Variants in ANO10 observed in about 807,000 individuals in gnomAD.
The protein encoded by ANO10 is anoctamin-10.
In ANO10, 77 loss-of-function variants were observed where a neutral mutation model predicts 74.7. The observed-to-expected ratio is 1.03, with a 90% CI of 0.86 to 1.25. ANO10 has a LOEUF of 1.25. Among genes scored for constraint, ANO10 ranks in the 50% most tolerant of loss-of-function variants. The pLI is 0.00. For synonymous variants in ANO10, 279 were observed against 284.9 expected, an observed-to-expected ratio of 0.98 and a Z score of 0.21; for missense variants, 721 against 778.1, an observed-to-expected ratio of 0.93 and a Z score of 0.87.
chr3:43,626,295 CTTTTTTT>C (rs776440890), upstream of ANO10, among the ~76,000 whole-genome samples: 18 of 135,656 alleles, frequency 1.3e-4, no homozygotes, highest in African/African-American at 4.7e-4. Flanking sequence ...ATGTTCTTCA[CTTTTTTT>C]TTTTTTTTTT....
chr3:43,654,164 G>A (rs2083820501), intron 1 of ANO10, among the ~76,000 whole-genome samples: 1 of 152,152 alleles, frequency 6.6e-6, no homozygotes, highest in Admixed American at 6.5e-5. Context: ...GAGCTGGATT[G>A]AGAGGGACAT....
At chr3:43,565,164 TATTA>T (rs1225805165) in intron 8 of ANO10, among the ~76,000 whole-genome samples, 1 of 152,248 alleles carries the variant, frequency 6.6e-6, no homozygotes, top group East Asian at 1.9e-4. Flanking sequence ...GTTCTTAATT[TATTA>T]TTCATTGGTA....
intron 12 of ANO10, among the ~76,000 whole-genome samples, chr3:43,367,900 T>A (rs1368814792): frequency 6.6e-6 from 1 of 152,178 alleles, no homozygotes. Flanking sequence ...GTACCCCCAG[T>A]ACCTGGCTAC....
chr3:43,379,999 T>C (rs1433640065), intron 12 of ANO10, among the ~76,000 whole-genome samples: 1 of 152,014 alleles, frequency 6.6e-6, no homozygotes, highest in East Asian at 1.9e-4. Flanking sequence ...TAAAAAACCA[T>C]CACAACTTCT....
At chr3:43,379,761 A>G (rs2091907773) in intron 12 of ANO10, among the ~76,000 whole-genome samples, 1 of 152,146 alleles carries the variant, frequency 6.6e-6, no homozygotes, top group Admixed American at 6.5e-5. Flanking sequence ...CCTGTGTGAT[A>G]CAGCAGAGGC....
At chr3:43,475,258 G>A (rs1009569041) in intron 11 of ANO10, among the ~76,000 whole-genome samples, 5 of 152,078 alleles carry the variant, frequency 3.3e-5, no homozygotes, top group Non-Finnish European at 7.4e-5. Flanking sequence ...CTCCTTCTCG[G>A]TCTTGAACCT....
At chr3:43,520,068 C>CAT (rs2077882265) in intron 11 of ANO10, among the ~76,000 whole-genome samples, 4 of 152,092 alleles carry the variant, frequency 2.6e-5, no homozygotes, top group African/African-American at 9.7e-5. Context: ...TCCCAGTGAC[C>CAT]ATATGGTCTC....
At chr3:43,553,340 T>C (rs1224337132) in intron 10 of ANO10, among the ~76,000 whole-genome samples, 1 of 152,176 alleles carries the variant, frequency 6.6e-6, no homozygotes, top group Non-Finnish European at 1.5e-5. Flanking sequence ...ATCTGCAGTT[T>C]TGGGTCTCTT....
chr3:43,474,758 G>A lies in ANO10; in HGVS notation c.1798-42031C>T, dbSNP rs541392734. On this transcript the variant is annotated intron_variant, in intron 11 of 12. Coordinates refer to ENST00000292246, the MANE Select transcript of ANO10 (RefSeq NM_018075.5). ...TTTATGGTCATTACAGATTCAAGTT[G>A]CCACATAAAGAAATGCTGTTATCAT... Among the ~76,000 whole-genome samples the A allele has an allele frequency of 7.4e-4, 113 of 152,232 alleles. 1 individual carries two copies. The highest frequency in any genetic ancestry group is 2.6e-3 in the African/African-American group (109 of 41,542).
chr3:43,459,223 A>G (rs901898233), intron 11 of ANO10, among the ~76,000 whole-genome samples: 3 of 151,040 alleles, frequency 2.0e-5, no homozygotes, highest in Non-Finnish European at 4.4e-5. Context: ...AGTTGTTTTT[A>G]TCTTTTGTTC....
chr3:43,386,583 G>C (rs1281749231), intron 12 of ANO10, among the ~76,000 whole-genome samples: 1 of 151,972 alleles, frequency 6.6e-6, no homozygotes, highest in African/African-American at 2.4e-5. Context: ...TTCCTTGGTA[G>C]GAATTCAGGC....
chr3:43,626,921 C>G (rs2083497979), upstream of ANO10, among the ~76,000 whole-genome samples: 1 of 135,196 alleles, frequency 7.4e-6, no homozygotes, highest in Non-Finnish European at 1.6e-5. Context: ...TCAACCCACC[C>G]ACCCACCCAG....
intron 6 of ANO10, among the ~76,000 whole-genome samples, chr3:43,575,996 T>C (rs1433105965): frequency 6.6e-6 from 1 of 152,206 alleles, no homozygotes; most frequent in Non-Finnish European, 1.5e-5. Context: ...GGGAATAATA[T>C]AGCGAATTTG....
intron 1 of ANO10, chr3:43,691,119 C>CA: frequency 7.5e-7 from 1 of 1,338,280 alleles, no homozygotes; most frequent in Non-Finnish European, 9.7e-7. Flanking sequence ...CAGCGGGCAG[C>CA]ACCAAGGAGT....
At chr3:43,610,712 A>C (rs1210897176) in intron 1 of ANO10, among the ~76,000 whole-genome samples, 1 of 152,214 alleles carries the variant, frequency 6.6e-6, no homozygotes, top group Non-Finnish European at 1.5e-5. Flanking sequence ...ACTGTCAGGC[A>C]CAGAAAAACA....
intron 11 of ANO10, among the ~76,000 whole-genome samples, chr3:43,476,720 G>A (rs1434207040): frequency 6.6e-6 from 1 of 151,972 alleles, no homozygotes; most frequent in Non-Finnish European, 1.5e-5. Context: ...ATCACTTTGT[G>A]GAACTTAGTA....
At position 43,408,680 on chromosome 3, in the gene ANO10, G is replaced by A. The variant is rs2092617977; in HGVS notation, c.1914+23931C>T. Among the ~76,000 whole-genome samples, 3 of 152,176 alleles carry A rather than the reference G, an allele frequency of 2.0e-5. No homozygotes were observed. In the South Asian group the frequency reaches 6.2e-4, roughly 32 times the overall value. ...TCCGGATAGGATCACTCTCCTGCCAGCTTTTTACTTTTACTTTCTGGCTGG... is the reference window on the plus strand; with the variant it reads ...TCCGGATAGGATCACTCTCCTGCCAACTTTTTACTTTTACTTTCTGGCTGG... On this transcript the variant is annotated intron_variant, in intron 12 of 12. Coordinates refer to ENST00000292246, the MANE Select transcript of ANO10 (RefSeq NM_018075.5).
At chr3:43,488,749 G>C (rs1321413379) in intron 11 of ANO10, among the ~76,000 whole-genome samples, 1 of 152,164 alleles carries the variant, frequency 6.6e-6, no homozygotes, top group Non-Finnish European at 1.5e-5. Context: ...AACCATTGTG[G>C]AAGTTGGTGT....
intron 8 of ANO10, among the ~76,000 whole-genome samples, chr3:43,565,130 G>T (rs921561254): frequency 2.0e-5 from 3 of 152,142 alleles, no homozygotes; most frequent in African/African-American, 7.2e-5. Flanking sequence ...AATATAAAAA[G>T]GAGAATTTAG....
Sources: gnomAD v4.1 joint callset for allele counts (sites outside exome capture counted in the v4.1 genomes callset) on GRCh38, gnomAD v4.1.1 for gene constraint, MANE v1.5 for transcripts, NCBI Gene and HGNC (gene_info 2026-07-23, HGNC 2026-07-21) for gene names.